Variants in VPS13D observed in about 807,000 individuals in gnomAD.
VPS13D encodes intermembrane lipid transfer protein VPS13D.
In VPS13D, 187 loss-of-function variants were observed where a neutral mutation model predicts 461.9. The observed-to-expected ratio is 0.40, with a 90% CI of 0.36 to 0.46. The LOEUF (loss-of-function observed/expected upper bound fraction) is 0.46. Ranked by LOEUF, VPS13D falls within the 20% of genes least tolerant of loss-of-function variation. The probability of loss-of-function intolerance (pLI) is 0.60; values close to 1 mark genes in which losing one functional copy is unlikely to be tolerated. For synonymous variants in VPS13D, 1,951 were observed against 1,986.3 expected, an observed-to-expected ratio of 0.98 and a Z score of 0.47; for missense variants, 4,711 against 5,364.9, an observed-to-expected ratio of 0.88 and a Z score of 3.81.
chr1:12,324,395 T>C (rs571908694), intron 35 of VPS13D, among the ~76,000 whole-genome samples: 8 of 152,156 alleles, frequency 5.3e-5, no homozygotes, highest in African/African-American at 1.9e-4. Flanking sequence ...ATCCAGCTAC[T>C]CAGGAGGCTG....
At chr1:12,424,238 ATT>A (rs1166499254) in intron 65 of VPS13D, among the ~76,000 whole-genome samples, 2 of 152,168 alleles carry the variant, frequency 1.3e-5, no homozygotes, top group African/African-American at 2.4e-5. Flanking sequence ...CACCCGAGGG[ATT>A]TCTTTTCCAG....
intron 21 of VPS13D, among the ~76,000 whole-genome samples, chr1:12,285,018 T>C (rs1436121911): frequency 1.3e-5 from 2 of 152,212 alleles, no homozygotes; most frequent in Admixed American, 6.6e-5. Flanking sequence ...CTCTTTGGTG[T>C]TGAATATGCA....
intron 63 of VPS13D, among the ~76,000 whole-genome samples, chr1:12,406,589 A>G (rs1354390050): frequency 6.6e-6 from 1 of 152,220 alleles, no homozygotes; most frequent in Admixed American, 6.5e-5. Flanking sequence ...GCAGTTTCAC[A>G]TCTGCTATCT....
rs189075964 is a variant in VPS13D at position 12,445,715 on chromosome 1, G to T, written c.12334-10283G>T. On this transcript the variant is annotated intron_variant, in intron 65 of 69. Coordinates refer to ENST00000620676, the MANE Select transcript of VPS13D (RefSeq NM_015378.4). ...TCTGAAAAAAAATGGGAACATTTGA[G>T]TTCATTTTTAAAAGAACCTTCTTTT... Among the ~76,000 whole-genome samples the T allele has an allele frequency of 1.2e-4, 18 of 152,318 alleles. No homozygotes were observed. The East Asian group carries it at 3.1e-3, about 26-fold the overall frequency.
At chr1:12,326,820 T>G (rs148172327) in intron 35 of VPS13D, among the ~76,000 whole-genome samples, 2,673 of 152,164 alleles carry the variant, frequency 0.018, 38 homozygotes, top group Non-Finnish European at 0.023. Flanking sequence ...ATTTTTGTTA[T>G]TTTTAGTAGA....
At chr1:12,286,509 G>A (rs1302797210) in intron 21 of VPS13D, among the ~76,000 whole-genome samples, 8 of 152,226 alleles carry the variant, frequency 5.3e-5, no homozygotes, top group African/African-American at 1.7e-4. Context: ...ACTTGTTACA[G>A]AAACTGGATT....
In VPS13D at chr1:12,497,529, G is replaced by T; in HGVS notation, c.12692G>T (p.Arg4231Leu). 1 of 1,614,092 alleles carries T rather than the reference G, an allele frequency of 6.2e-7. No individual in the cohort carries two copies. Among genetic ancestry groups the T allele is most frequent in the Non-Finnish European group, 8.5e-7 (1 of 1,179,982 alleles). ...RTQAQRVRKP[R>L]CCTGPQGLLP... Reference sequence around the variant, plus strand: ...CAAGCACAGAGGGTTCGGAAACCGCGTTGCTGCACGGGGCCCCAGGGGCTG... The same window carrying T: ...CAAGCACAGAGGGTTCGGAAACCGCTTTGCTGCACGGGGCCCCAGGGGCTG... The change falls in exon 68 of 70, where the codon CGT (arginine) becomes CTT (leucine). Residue 4231 changes from arginine to leucine, a missense_variant. By Grantham distance (102) the Arg-to-Leu change is moderately radical. Transcript: ENST00000620676.
chr1:12,341,704 C>T, intron 40 of VPS13D, 76 bp from the exon 41 acceptor site: 3 of 1,358,200 alleles, frequency 2.2e-6, no homozygotes, highest in African/African-American at 2.9e-5. Context: ...AATTTGGGCA[C>T]TGTCTCCAGG....
chr1:12,373,327 G>A (rs1644151698), intron 54 of VPS13D, among the ~76,000 whole-genome samples: 1 of 151,728 alleles, frequency 6.6e-6, no homozygotes, highest in Non-Finnish European at 1.5e-5. Flanking sequence ...TGCCGTGTTG[G>A]TCAGGCTGGT....
At chr1:12,314,386 G>A (rs757886166) in intron 30 of VPS13D, 59 bp downstream of exon 30, 1,871 of 1,548,742 alleles carry the variant, frequency 1.2e-3, no homozygotes, top group Non-Finnish European at 1.5e-3. Context: ...TTTGGGTCAC[G>A]TCTTTGTTGG....
At chr1:12,489,638 A>G (rs1030842371) in intron 67 of VPS13D, among the ~76,000 whole-genome samples, 1 of 152,190 alleles carries the variant, frequency 6.6e-6, no homozygotes, top group African/African-American at 2.4e-5. Context: ...GTTGGATGTT[A>G]CACCCTAGCC....
intron 67 of VPS13D, among the ~76,000 whole-genome samples, chr1:12,476,947 C>T (rs1328190781): frequency 1.3e-5 from 2 of 152,270 alleles, no homozygotes; most frequent in African/African-American, 2.4e-5. Flanking sequence ...AGCTTAACTT[C>T]GAAGGAGGAA....
intron 67 of VPS13D, chr1:12,478,738 C>T: frequency 2.9e-5 from 13 of 453,336 alleles, no homozygotes; most frequent in South Asian, 1.9e-4. Context: ...TGCCTCCCTC[C>T]CCCCGGCCAG....
chr1:12,382,395 C>T (rs1644295400), intron 57 of VPS13D, among the ~76,000 whole-genome samples: 1 of 152,202 alleles, frequency 6.6e-6, no homozygotes, highest in Non-Finnish European at 1.5e-5. Flanking sequence ...GCCACCTCGC[C>T]TGGCTTGAAG....
At chr1:12,482,214 C>T (rs1363263176) in intron 67 of VPS13D, among the ~76,000 whole-genome samples, 6 of 152,162 alleles carry the variant, frequency 3.9e-5, no homozygotes, top group Non-Finnish European at 5.9e-5. Flanking sequence ...TCTTGGGAGA[C>T]GAGGCATAGA....
chr1:12,459,162 T>A (rs1239885554), intron 66 of VPS13D, among the ~76,000 whole-genome samples: 1 of 152,236 alleles, frequency 6.6e-6, no homozygotes, highest in East Asian at 1.9e-4. Context: ...TGGAAAATAT[T>A]TGGGGGGAAA....
At chr1:12,391,088 A>G (rs1644421200) in intron 60 of VPS13D, among the ~76,000 whole-genome samples, 1 of 152,240 alleles carries the variant, frequency 6.6e-6, no homozygotes, top group African/African-American at 2.4e-5. Context: ...GTCCCTGACC[A>G]TCCATCCAGC....
At chr1:12,236,887 A>G (rs979038029) in intron 2 of VPS13D, among the ~76,000 whole-genome samples, 24 of 152,124 alleles carry the variant, frequency 1.6e-4, no homozygotes, top group African/African-American at 5.8e-4. Context: ...TGGAGATAAT[A>G]TTAACTATCT....
intron 7 of VPS13D, among the ~76,000 whole-genome samples, chr1:12,255,102 C>T (rs235228): frequency 0.052 from 7,893 of 151,966 alleles, 433 homozygotes; most frequent in African/African-American, 0.14. Flanking sequence ...CATGCCACCA[C>T]GCCCAGCTAA....
Sources: gnomAD v4.1 joint callset for allele counts (sites outside exome capture counted in the v4.1 genomes callset) on GRCh38, gnomAD v4.1.1 for gene constraint, MANE v1.5 for transcripts, NCBI Gene and HGNC (gene_info 2026-07-23, HGNC 2026-07-21) for gene names.